The following RNF215 variants were observed in gnomAD, a reference collection of about 807,000 sequenced individuals.
The protein encoded by RNF215 is ring finger protein 215.
RNF215 carries 41 observed loss-of-function variants against 44.8 expected under a neutral mutation model. The observed-to-expected ratio is 0.92, with a 90% confidence interval of 0.71 to 1.19. RNF215 has a LOEUF of 1.19. Ranked by LOEUF, RNF215 falls within the 50% of genes most tolerant of loss-of-function variation. The pLI, the probability that RNF215 is intolerant of heterozygous loss-of-function variation, is 0.00. For synonymous variants in RNF215, 218 were observed against 230.1 expected (o/e 0.95, Z 0.48); for missense variants, 452 against 496.2 (o/e 0.91, Z 0.85).
chr22:30,379,280 C>T lies in RNF215; in HGVS notation c.*320G>A, dbSNP rs1489110464. The stretch of plus-strand genomic sequence containing the variant: ...TCCCAGAACCCTGGCGACAGCTACA[C>T]TGGCCCCATATTCTCTTTCCTTATT... On this transcript the variant is annotated 3_prime_UTR_variant, in exon 9 of 9. Transcript: ENST00000382363. 2.4e-6 allele frequency: 1 copy of T among 408,416 alleles called. No homozygotes were observed. 25.3% of individuals were successfully genotyped at this position (408,416 alleles called of 1,614,324 possible). A position where few individuals can be genotyped will look rare whatever the true frequency, so the allele number is the denominator to read the frequency against.
chr22:30,387,275 C>T lies in RNF215; in HGVS notation c.39G>A (p.Pro13=), dbSNP rs1176670299. 3 of 1,059,810 alleles carry T rather than the reference C, an allele frequency of 2.8e-6. No homozygotes were observed. The highest frequency in any genetic ancestry group is 3.4e-6 in the Non-Finnish European group (3 of 878,700). 65.7% of individuals were successfully genotyped at this position (1,059,810 alleles called of 1,614,324 possible). A position where few individuals can be genotyped will look rare whatever the true frequency, so the allele number is the denominator to read the frequency against. The change falls in exon 1 of 9, where the codon CCG becomes CCA. Residue 13 remains proline (P), a synonymous_variant. Transcript: ENST00000382363. ...PAARPALRSP[P]PPPPPPPSPL... ...GAGACGGAGGCGGCGGCGGAGGCGG[C>T]GGCGGCGATCTCAGCGCGGGGCGAG...
chr22:30,384,537 G>T, intron 4 of RNF215, 42 bp from the exon 5 acceptor site: 1 of 1,592,550 alleles, frequency 6.3e-7, no homozygotes, highest in South Asian at 1.1e-5. Flanking sequence ...AGGACTCTTG[G>T]GAAGGGAGGC....
chr22:30,381,899 T>C (rs5753109), intron 5 of RNF215, among the ~76,000 whole-genome samples: 47,833 of 152,108 alleles, frequency 0.31, 7,785 homozygotes, highest in East Asian at 0.43. Context: ...AGCTCCAGGC[T>C]GAGTGCCTTT....
In RNF215 at chr22:30,387,333, G is replaced by T; in HGVS notation, c.-20C>A. On this transcript the variant is annotated 5_prime_UTR_variant, in exon 1 of 9. Coordinates refer to ENST00000382363, the MANE Select transcript of RNF215 (RefSeq NM_001017981.2). ...GCCCATGGCCGGACCCGGCGAGCTGGCCCAACAGTGGGGCCAGGGGTCCCG... is the reference window on the plus strand; with the variant it reads ...GCCCATGGCCGGACCCGGCGAGCTGTCCCAACAGTGGGGCCAGGGGTCCCG... 9.5e-7 allele frequency: 1 copy of T among 1,055,006 alleles called. No homozygotes were observed. The allele number at this position is 1,055,006 out of a possible 1,614,324, so 65.4% of individuals were successfully genotyped here. A position where few individuals can be genotyped will look rare whatever the true frequency, so the allele number is the denominator to read the frequency against.
In RNF215 at chr22:30,380,262, T is replaced by C. The variant is rs772023021; in HGVS notation, c.864+20A>G. Reference sequence around the variant, plus strand: ...GTCCAAGGGCTGAGGGTGCTGGGGCTCCCTGGGGCTGGCTCCCACCTGGCC... The same window carrying C: ...GTCCAAGGGCTGAGGGTGCTGGGGCCCCCTGGGGCTGGCTCCCACCTGGCC... On this transcript the variant is annotated intron_variant, in intron 6 of 8. Transcript: ENST00000382363. The surrounding 1 kb of genome is among the most constrained non-coding windows in gnomAD (Gnocchi z 5.3). 11 of 1,610,558 alleles carry C rather than the reference T, an allele frequency of 6.8e-6. No homozygotes were observed. The highest frequency in any genetic ancestry group is 1.3e-5 in the African/African-American group (1 of 74,772).
chr22:30,380,150 C>T lies in RNF215; in HGVS notation c.920G>A (p.Arg307His), dbSNP rs139847547. 7.4e-6 allele frequency: 12 copies of T among 1,613,778 alleles called. No homozygotes were observed. The East Asian group carries it at 1.1e-4, about 15-fold the overall frequency. ...VRRLASLKTR[R>H]CRLSRAAQGL... ...CTGCGCTGCCCTGCTCAGCCGGCAG[C>T]GCCGTGTCTTGAGGGATGCCAGTCT... The change falls in exon 7 of 9, where the codon CGC becomes CAC. Residue 307 changes from arginine to histidine, a missense_variant. Physicochemically the swap from Arg to His is conservative, Grantham distance 29. Transcript: ENST00000382363. The surrounding 1 kb of genome is among the most constrained non-coding windows in gnomAD (Gnocchi z 5.3).
intron 5 of RNF215, among the ~76,000 whole-genome samples, chr22:30,381,652 C>T (rs1257414954): frequency 6.6e-6 from 1 of 152,196 alleles, no homozygotes; most frequent in Admixed American, 6.5e-5. Flanking sequence ...GATGCTGAAG[C>T]TCATCTACCG....
chr22:30,386,948 C>T, intron 1 of RNF215, 81 bp downstream of exon 1: 14 of 1,502,850 alleles, frequency 9.3e-6, no homozygotes, highest in Non-Finnish European at 1.2e-5. Context: ...GGAGGATGAA[C>T]GTCGGTTCAG....
intron 5 of RNF215, among the ~76,000 whole-genome samples, chr22:30,381,784 C>G (rs1933532841): frequency 6.6e-6 from 1 of 152,184 alleles, no homozygotes; most frequent in Non-Finnish European, 1.5e-5. Context: ...TCTGGGGGCC[C>G]TCACTGGGAA....
In RNF215 at chr22:30,380,105, G is replaced by A; in HGVS notation, c.965C>T (p.Ala322Val). 6.2e-7 allele frequency: 1 copy of A among 1,613,966 alleles called. No individual in the cohort carries two copies. Among genetic ancestry groups the A allele is most frequent in the Non-Finnish European group, 8.5e-7 (1 of 1,179,976 alleles). ...RAAQGLPDPG[A>V]ETCAVCLDYF... ...GTCCAGGCACACCGCACAGGTCTCA[G>A]CACCCGGATCTGGGAGGCCCTGCGC... The change falls in exon 7 of 9, where the codon GCT becomes GTT. Residue 322 changes from alanine to valine, a missense_variant. By Grantham distance (64) the Ala-to-Val change is moderately conservative. Coordinates refer to ENST00000382363, the MANE Select transcript of RNF215 (RefSeq NM_001017981.2). The surrounding 1 kb of genome is among the most constrained non-coding windows in gnomAD (Gnocchi z 5.3).
At position 30,380,062 on chromosome 22, in the gene RNF215, C is replaced by G. The variant is rs887860220; in HGVS notation, c.1008G>C (p.Gln336His). 1.2e-6 allele frequency: 2 copies of G among 1,613,756 alleles called. No homozygotes were observed. The highest frequency in any genetic ancestry group is 1.7e-6 in the Non-Finnish European group (2 of 1,179,918). Residue 336 changes from glutamine (Q) to histidine (H), a missense_variant and splice_region_variant, in exon 7 of 9, where the codon CAG (glutamine) becomes CAC (histidine). By Grantham distance (24) the Gln-to-His change is conservative (BLOSUM62 0). Coordinates refer to ENST00000382363, the MANE Select transcript of RNF215 (RefSeq NM_001017981.2). The surrounding 1 kb of genome is among the most constrained non-coding windows in gnomAD (Gnocchi z 5.3). ...AVCLDYFCNKQWLRVLPCKHE... is the reference protein window; with the variant it reads ...AVCLDYFCNKHWLRVLPCKHE... Reference sequence around the variant, plus strand: ...GCTGGTCTCTACCCGGGGCACTAGCCTGTTTGTTGCAGAAGTAGTCCAGGC... The same window carrying G: ...GCTGGTCTCTACCCGGGGCACTAGCGTGTTTGTTGCAGAAGTAGTCCAGGC...
rs368958559 is a variant in RNF215, at chr22:30,383,121, T to C, written c.744+1218A>G. Among the ~76,000 whole-genome samples the C allele has an allele frequency of 2.5e-3, 374 of 152,268 alleles. 11 individuals are homozygous for C. The South Asian group carries it at 0.072, about 29-fold the overall frequency. ...GTTGCTGCTCTGGACTCCCAGAGGC[T>C]GGAGGCACAGTGACTGGGCCCTGGG... On this transcript the variant is annotated intron_variant, in intron 5 of 8. Transcript: ENST00000382363.
At chr22:30,384,811 C>G (rs1933573708) in intron 4 of RNF215, 2 of 230,054 alleles carry the variant, frequency 8.7e-6, no homozygotes, top group Non-Finnish European at 1.6e-5. Context: ...ACAGGACAGT[C>G]TTTCTTTTTT....
intron 1 of RNF215, 44 bp from the exon 2 acceptor site, chr22:30,386,803 G>A (rs550183806): frequency 6.3e-7 from 1 of 1,580,398 alleles, no homozygotes; most frequent in East Asian, 2.2e-5. Context: ...AGGGTGTGGT[G>A]GGGGAGGGAG....
At chr22:30,386,010 C>A in intron 3 of RNF215, 21 bp from the exon 4 acceptor site, 1 of 1,613,978 alleles carries the variant, frequency 6.2e-7, no homozygotes, top group South Asian at 1.1e-5. Flanking sequence ...ACAAGGAGGT[C>A]AGCAGGCCTG....
chr22:30,379,688 G>A (rs905987661), intron 8 of RNF215, 23 bp downstream of exon 8: 19 of 1,553,044 alleles, frequency 1.2e-5, no homozygotes, highest in Non-Finnish European at 1.6e-5. Flanking sequence ...AGTAGGCCGA[G>A]GGACCCCACC....
chr22:30,385,974 G>A lies in RNF215; in HGVS notation c.517C>T (p.Leu173Phe). The A allele has an allele frequency of 6.2e-6, 10 of 1,614,170 alleles. No homozygotes were observed. The highest frequency in any genetic ancestry group is 6.8e-6 in the Non-Finnish European group (8 of 1,180,022). ...NVVRELDISQ[L>F]LLRPVIVLHY... ...AGGACGATCACTGGCCTGAGCAGAA[G>A]CTGGGATATGTCCAGCTGCAGGGAG... is the stretch of plus-strand genomic sequence containing the variant. Residue 173 changes from leucine to phenylalanine, a missense_variant, in exon 4 of 9, where the codon CTT (leucine) becomes TTT (phenylalanine). By Grantham distance (22) the Leu-to-Phe change is conservative (BLOSUM62 0). Transcript: ENST00000382363.
chr22:30,380,089 C>T lies in RNF215; in HGVS notation c.981G>A (p.Val327=). The T allele has an allele frequency of 6.2e-7, 1 of 1,613,916 alleles. No individual in the cohort carries two copies. The highest frequency in any genetic ancestry group is 8.5e-7 in the Non-Finnish European group (1 of 1,179,960). Residue 327 remains valine, a synonymous_variant, in exon 7 of 9, where the codon GTG becomes GTA. Coordinates refer to ENST00000382363, the MANE Select transcript of RNF215 (RefSeq NM_001017981.2). The surrounding 1 kb of genome is among the most constrained non-coding windows in gnomAD (Gnocchi z 5.3). ...GTTTGTTGCAGAAGTAGTCCAGGCA[C>T]ACCGCACAGGTCTCAGCACCCGGAT... ...LPDPGAETCA[V]CLDYFCNKQW...
At position 30,387,209 on chromosome 22, in the gene RNF215, G is replaced by A. The variant is rs2145988515; in HGVS notation, c.105C>T (p.Gly35=). 1 of 1,016,368 alleles carries A rather than the reference G, an allele frequency of 9.8e-7. No individual in the cohort carries two copies. Among genetic ancestry groups the A allele is most frequent in the Non-Finnish European group, 1.2e-6 (1 of 845,940 alleles). 63.0% of individuals were successfully genotyped at this position (1,016,368 alleles called of 1,614,324 possible). A position where few individuals can be genotyped will look rare whatever the true frequency, so the allele number is the denominator to read the frequency against. Reference sequence around the variant, plus strand: ...CCGCCGCGGCCCCGGGCCCCGCCAGGCCCAGCCACAGCGGCAGCAGGGGCA... The same window carrying A: ...CCGCCGCGGCCCCGGGCCCCGCCAGACCCAGCCACAGCGGCAGCAGGGGCA... The part of the protein sequence containing the change: ...LLLPLLPLWL[G]LAGPGAAADG... Residue 35 remains glycine (G), a synonymous_variant, in exon 1 of 9, where the codon GGC becomes GGT. Coordinates refer to ENST00000382363, the MANE Select transcript of RNF215 (RefSeq NM_001017981.2).
Sources: gnomAD v4.1 joint callset for allele counts (sites outside exome capture counted in the v4.1 genomes callset) on GRCh38, gnomAD v4.1.1 for gene constraint, Gnocchi (gnomAD v3.1) non-coding constraint, MANE v1.5 for transcripts, NCBI Gene and HGNC (gene_info 2026-07-23, HGNC 2026-07-21) for gene names.